PHOSPHO1: variants seen among roughly 807,000 people sequenced by gnomAD.
PHOSPHO1 encodes phosphoethanolamine/phosphocholine phosphatase 1, also known as phosphoethanolamine/phosphocholine phosphatase.
PHOSPHO1 carries 6 observed loss-of-function variants against 17.7 expected under a neutral mutation model. The ratio of observed to expected loss-of-function variants is 0.34; its 90% CI spans 0.19 to 0.67. The LOEUF (loss-of-function observed/expected upper bound fraction) is 0.67. Ranked by LOEUF, PHOSPHO1 falls within the 30% of genes least tolerant of loss-of-function variation. The probability of loss-of-function intolerance (pLI) is 0.69; values close to 1 mark genes in which losing one functional copy is unlikely to be tolerated. For missense variants in PHOSPHO1, 330 were observed against 392.1 expected, an observed-to-expected ratio of 0.84 and a Z score of 1.34; for synonymous variants, 159 against 174.6, an observed-to-expected ratio of 0.91 and a Z score of 0.71.
Position 49,224,477 on chromosome 17 carries a change from G to T in PHOSPHO1, c.573C>A (p.Asp191Glu). Residue 191 changes from aspartate to glutamate, a missense_variant, in exon 3 of 3, where the codon GAC (aspartate) becomes GAA (glutamate). Asp to Glu is a conservative substitution (Grantham distance 45). Transcript: ENST00000310544. Reference sequence around the variant, plus strand: ...AGAAGAGGCGCTCGAAGTGCACGCCGTCGTGGGCCCGCTCGCGCAGGTAGT... The same window carrying T: ...AGAAGAGGCGCTCGAAGTGCACGCCTTCGTGGGCCCGCTCGCGCAGGTAGT... ...LSDYLRERAH[D>E]GVHFERLFYV... The T allele has an allele frequency of 6.4e-7, 1 of 1,566,946 alleles. No individual in the cohort carries two copies.
chr17:49,227,333 T>G (rs2043367517), intron 1 of PHOSPHO1, among the ~76,000 whole-genome samples: 1 of 152,306 alleles, frequency 6.6e-6, no homozygotes, highest in South Asian at 2.1e-4. Context: ...ATGGCCTCCC[T>G]GTTGCTCTCA....
At position 49,224,889 on chromosome 17, in the gene PHOSPHO1, C is replaced by T. The variant is rs1387998987; in HGVS notation, c.161G>A (p.Arg54Gln). The T allele has an allele frequency of 1.2e-6, 2 of 1,603,754 alleles. No homozygotes were observed. Among genetic ancestry groups the T allele is most frequent in the African/African-American group, 2.7e-5 (2 of 74,770 alleles). The change falls in exon 3 of 3, where the codon CGG (arginine) becomes CAG (glutamine). Residue 54 changes from arginine (R) to glutamine (Q), a missense_variant. By Grantham distance (43) the Arg-to-Gln change is conservative. Coordinates refer to ENST00000310544, the MANE Select transcript of PHOSPHO1 (RefSeq NM_178500.4). ...GGTGGCTCGCAGGCTCTCCGGGAGC[C>T]GCTGGCCCGGCGCGGCGCGCACGAT... ...DSIVRAAPGQ[R>Q]LPESLRATYR...
Position 49,224,132 on chromosome 17 carries a change from A to C in PHOSPHO1, c.*114T>G. 7.3e-7 allele frequency: 1 copy of C among 1,372,302 alleles called. No individual in the cohort carries two copies. Among genetic ancestry groups the C allele is most frequent in the Non-Finnish European group, 9.6e-7 (1 of 1,045,430 alleles). The allele number at this position is 1,372,302 out of a possible 1,614,324, so 85.0% of individuals were successfully genotyped here. A position where few individuals can be genotyped will look rare whatever the true frequency, so the allele number is the denominator to read the frequency against. On this transcript the variant is annotated 3_prime_UTR_variant, in exon 3 of 3. Transcript: ENST00000310544. Reference sequence around the variant, plus strand: ...CAAATACGAGATTCCAGAAATTCCCAGAGGGACATAACAAAGCCAAAGGGA... The same window carrying C: ...CAAATACGAGATTCCAGAAATTCCCCGAGGGACATAACAAAGCCAAAGGGA...
chr17:49,224,414 C>T lies in PHOSPHO1; in HGVS notation c.636G>A (p.Gly212=). ...AGGCCACGTCGCCGCCCGCCAGCAG[C>T]CCCATGGGGCAGAAGTCGTTGGCGC... ...GDGANDFCPM[G]LLAGGDVAFP... is the part of the protein sequence containing the mutation. Residue 212 remains glycine, a synonymous_variant, in exon 3 of 3, where the codon GGG becomes GGA. Coordinates refer to ENST00000310544, the MANE Select transcript of PHOSPHO1 (RefSeq NM_178500.4). The T allele has an allele frequency of 6.4e-7, 1 of 1,552,958 alleles. No homozygotes were observed. The highest frequency in any genetic ancestry group is 8.7e-7 in the Non-Finnish European group (1 of 1,151,376).
At chr17:49,226,617 C>A (rs1169361816) in intron 2 of PHOSPHO1, 30 bp downstream of exon 2, 1 of 1,612,844 alleles carries the variant, frequency 6.2e-7, no homozygotes, top group Non-Finnish European at 8.5e-7. Context: ...GAGGCCTCAT[C>A]CTAGGAGACC....
At chr17:49,226,784 G>A (rs764608349) in intron 1 of PHOSPHO1, 26 bp from the exon 2 acceptor site, 1 of 1,474,958 alleles carries the variant, frequency 6.8e-7, no homozygotes, top group Non-Finnish European at 9.5e-7. Context: ...GTTCATTTGA[G>A]GGTGCCCAGT....
Position 49,223,913 on chromosome 17 carries a change from T to G in PHOSPHO1, c.*333A>C, listed in dbSNP as rs748955448. On this transcript the variant is annotated 3_prime_UTR_variant, in exon 3 of 3. Transcript: ENST00000310544. ...AGTTACAGCGGCGGGAGATGTTCCT[T>G]CTCTCACCTGCCGGGGGGGCCCCTT... The G allele has an allele frequency of 1.2e-5, 3 of 256,132 alleles. No individual in the cohort carries two copies. Among genetic ancestry groups the G allele is most frequent in the Non-Finnish European group, 2.2e-5 (3 of 134,960 alleles). 15.9% of individuals were successfully genotyped at this position (256,132 alleles called of 1,614,324 possible). A position where few individuals can be genotyped will look rare whatever the true frequency, so the allele number is the denominator to read the frequency against.
At chr17:49,228,278 TTCCTTCCTTCCTTCCTTCC>T (rs1474606035) in intron 1 of PHOSPHO1, among the ~76,000 whole-genome samples, 4,876 of 98,656 alleles carry the variant, frequency 0.049, 101 homozygotes, top group Middle Eastern at 0.073. Flanking sequence ...CCTTCCTTCC[TTCCTTCCTTCCTTCCTTCC>T]TCCTTCCTTC....
intron 2 of PHOSPHO1, 55 bp from the exon 3 acceptor site, chr17:49,225,059 G>A: frequency 1.4e-6 from 2 of 1,448,214 alleles, no homozygotes; most frequent in Non-Finnish European, 1.8e-6. Context: ...CAAGCGAGAG[G>A]GGGCGCGGCA....
intron 2 of PHOSPHO1, 141 bp from the exon 3 acceptor site, chr17:49,225,145 A>C: frequency 7.0e-7 from 1 of 1,435,984 alleles, no homozygotes; most frequent in East Asian, 2.5e-5. Context: ...AGGAGGACCC[A>C]AGTCTGGTTA....
chr17:49,228,585 T>A (rs1488253398), intron 1 of PHOSPHO1, among the ~76,000 whole-genome samples: 1 of 151,876 alleles, frequency 6.6e-6, no homozygotes, highest in Admixed American at 6.6e-5. Flanking sequence ...GGTCAGAAGA[T>A]CGAGACCATC....
rs2043333646 is a variant in PHOSPHO1, at chr17:49,224,853, C to T, written c.197G>A (p.Gly66Asp). 1 of 1,607,076 alleles carries T rather than the reference C, an allele frequency of 6.2e-7. No individual in the cohort carries two copies. The highest frequency in any genetic ancestry group is 1.1e-5 in the South Asian group (1 of 90,074). ...PESLRATYREGFYNEYMQRVF... is the reference protein window; with the variant it reads ...PESLRATYREDFYNEYMQRVF... ...GCGCTGCATGTACTCGTTGTAGAAG[C>T]CCTCGCGGTAGGTGGCTCGCAGGCT... The change falls in exon 3 of 3, where the codon GGC becomes GAC. Residue 66 changes from glycine (G) to aspartate (D), a missense_variant. Coordinates refer to ENST00000310544, the MANE Select transcript of PHOSPHO1 (RefSeq NM_178500.4).
rs1472547477 is a variant in PHOSPHO1, at chr17:49,223,579, G to T, written c.*667C>A. On this transcript the variant is annotated 3_prime_UTR_variant, in exon 3 of 3. Transcript: ENST00000310544. ...AGGAGACACCGTCACTCTCTGCGAG[G>T]TTACTGGCTGTCCGGACCCGAGCCG... 6.5e-6 allele frequency: 1 copy of T among 152,764 alleles called. No individual in the cohort carries two copies. The highest frequency in any genetic ancestry group is 6.5e-5 in the Admixed American group (1 of 15,278). 9.5% of individuals were successfully genotyped at this position (152,764 alleles called of 1,614,324 possible). A position where few individuals can be genotyped will look rare whatever the true frequency, so the allele number is the denominator to read the frequency against.
In PHOSPHO1 at chr17:49,226,684, C is replaced by A; in HGVS notation, c.8G>T (p.Gly3Val). Residue 3 changes from glycine (G) to valine (V), a missense_variant, in exon 2 of 3, where the codon GGC becomes GTC. Physicochemically the swap from Gly to Val is moderately radical, Grantham distance 109 (BLOSUM62 -3). Coordinates refer to ENST00000310544, the MANE Select transcript of PHOSPHO1 (RefSeq NM_178500.4). ...GCGGAGGCCAGAAACTGGAAAACAG[C>A]CACTCATTGTCGGTGCATTACCGTG... MS[G>V]CFPVSGLRCL... 1.2e-6 allele frequency: 2 copies of A among 1,614,216 alleles called. No individual in the cohort carries two copies. The highest frequency in any genetic ancestry group is 1.7e-6 in the Non-Finnish European group (2 of 1,180,040).
chr17:49,229,324 G>C (rs1486293198), intron 1 of PHOSPHO1, among the ~76,000 whole-genome samples: 1 of 152,122 alleles, frequency 6.6e-6, no homozygotes, highest in African/African-American at 2.4e-5. Context: ...AGAGTAGGGG[G>C]CAGGATCTGA....
Position 49,224,184 on chromosome 17 carries a change from C to G in PHOSPHO1, c.*62G>C. 4 of 1,474,328 alleles carry G rather than the reference C, an allele frequency of 2.7e-6. No homozygotes were observed. Among genetic ancestry groups the G allele is most frequent in the Non-Finnish European group, 3.6e-6 (4 of 1,118,598 alleles). The allele number at this position is 1,474,328 out of a possible 1,614,324, so 91.3% of individuals were successfully genotyped here. On this transcript the variant is annotated 3_prime_UTR_variant, in exon 3 of 3. Coordinates refer to ENST00000310544, the MANE Select transcript of PHOSPHO1 (RefSeq NM_178500.4). ...AAGGGAGTAGTAAAGCTGTCTTTGC[C>G]GAATCTCCCTTCCCCGCCCCCTCCG...
chr17:49,224,165 G>T lies in PHOSPHO1; in HGVS notation c.*81C>A. 6.9e-7 allele frequency: 1 copy of T among 1,440,108 alleles called. No individual in the cohort carries two copies. The highest frequency in any genetic ancestry group is 1.4e-5 in the South Asian group (1 of 69,876). 89.2% of individuals were successfully genotyped at this position (1,440,108 alleles called of 1,614,324 possible). ...ATAACAAAGCCAAAGGGAAAAGGGA[G>T]TAGTAAAGCTGTCTTTGCCGAATCT... On this transcript the variant is annotated 3_prime_UTR_variant, in exon 3 of 3. Transcript: ENST00000310544.
rs1441625707 is a variant in PHOSPHO1, at chr17:49,224,310, A to G, written c.740T>C (p.Val247Ala). The G allele has an allele frequency of 6.3e-7, 1 of 1,595,958 alleles. No homozygotes were observed. Among genetic ancestry groups the G allele is most frequent in the East Asian group, 2.3e-5 (1 of 44,324 alleles). ...ATCTGCAGCCGTTTCCCAGGGCACCACGCTGGCGCGGAACGAGCTGGGCTC... is the reference window on the plus strand; with the variant it reads ...ATCTGCAGCCGTTTCCCAGGGCACCGCGCTGGCGCGGAACGAGCTGGGCTC... ...KAEPSSFRAS[V>A]VPWETAADVR... is the part of the protein sequence containing the mutation. Residue 247 changes from valine to alanine, a missense_variant, in exon 3 of 3, where the codon GTG becomes GCG. Transcript: ENST00000310544.
At position 49,225,742 on chromosome 17, in the gene PHOSPHO1, G is replaced by A. The variant is rs781180846; in HGVS notation, c.46-738C>T. ...CAGCAGGAGAAGCAGTGGGGCTTGG[G>A]GAGGTAAGAGCCTCCCGCACCAGGC... On this transcript the variant is annotated intron_variant, in intron 2 of 2. Coordinates refer to ENST00000310544, the MANE Select transcript of PHOSPHO1 (RefSeq NM_178500.4). The A allele has an allele frequency of 4.2e-4, 536 of 1,284,394 alleles. 1 individual carries two copies. The highest frequency in any genetic ancestry group is 5.3e-4 in the Non-Finnish European group (521 of 986,402). 79.6% of individuals were successfully genotyped at this position (1,284,394 alleles called of 1,614,324 possible).
Sources: gnomAD v4.1 joint callset for allele counts (sites outside exome capture counted in the v4.1 genomes callset) on GRCh38, gnomAD v4.1.1 for gene constraint, MANE v1.5 for transcripts, NCBI Gene and HGNC (gene_info 2026-07-23, HGNC 2026-07-21) for gene names.